The following APOH variants were observed in gnomAD, a reference collection of about 807,000 sequenced individuals.
The protein encoded by APOH is beta-2-glycoprotein 1.
Under a neutral mutation model 39.8 loss-of-function variants are expected in APOH, and 48 were observed. The observed-to-expected ratio is 1.21, with a 90% CI of 0.96 to 1.54. APOH has a LOEUF of 1.54. APOH is among the 40% of genes most tolerant of loss of function. The pLI, the probability that APOH is intolerant of heterozygous loss-of-function variation, is 0.00. For synonymous variants in APOH, 153 were observed against 151.1 expected, an observed-to-expected ratio of 1.01 and a Z score of -0.09; for missense variants, 415 against 421.2, an observed-to-expected ratio of 0.99 and a Z score of 0.13.
rs1369088084 is a variant in APOH at position 66,214,549 on chromosome 17, C to T, written c.886G>A (p.Val296Ile). The change falls in exon 7 of 8, where the codon GTT becomes ATT. Residue 296 changes from valine (V) to isoleucine (I), a missense_variant. Physicochemically the swap from Val to Ile is conservative, Grantham distance 29. This residue lies in a region of APOH where 120 missense variants were observed against 110.6 expected (regional missense o/e 1.08). Transcript: ENST00000205948. ...TCCTTATTTTTGCAGAAGAAAGAAA[C>T]TTTATCACCATGTAGCATTCCATTC... ...FKNGMLHGDK[V>I]SFFCKNKEKK... 1 of 1,613,962 alleles carries T rather than the reference C, an allele frequency of 6.2e-7. No individual in the cohort carries two copies. The highest frequency in any genetic ancestry group is 8.5e-7 in the Non-Finnish European group (1 of 1,179,898).
chr17:66,212,749 A>G (rs1230597595), intron 7 of APOH, among the ~76,000 whole-genome samples: 1 of 152,218 alleles, frequency 6.6e-6, no homozygotes, highest in Non-Finnish European at 1.5e-5. Flanking sequence ...AACAGTCAAG[A>G]TTAAAGGGGA....
At chr17:66,221,440 T>A (rs567628578) in intron 4 of APOH, among the ~76,000 whole-genome samples, 1 of 97,676 alleles carries the variant, frequency 1.0e-5, no homozygotes, top group South Asian at 4.1e-4. Context: ...AGCCCTCAAG[T>A]CAGATGTCCA....
At chr17:66,227,538 T>C (rs2073447261) in intron 2 of APOH, among the ~76,000 whole-genome samples, 1 of 152,210 alleles carries the variant, frequency 6.6e-6, no homozygotes, top group Admixed American at 6.5e-5. Context: ...ATATTATTAT[T>C]TTAATTTGAC....
chr17:66,224,055 T>C (rs144512136), intron 3 of APOH, among the ~76,000 whole-genome samples: 588 of 152,268 alleles, frequency 3.9e-3, no homozygotes, highest in Middle Eastern at 0.02. Context: ...GTTTCTAATA[T>C]AAAGCAAAGA....
intron 4 of APOH, among the ~76,000 whole-genome samples, chr17:66,223,239 A>G (rs898756447): frequency 6.6e-6 from 1 of 152,244 alleles, no homozygotes. Flanking sequence ...AGGATCCAGC[A>G]TACAGTAGAT....
Position 66,220,590 on chromosome 17 carries a change from T to C in APOH, c.568A>G (p.Thr190Ala), listed in dbSNP as rs1300571348. The change falls in exon 5 of 8, where the codon ACA becomes GCA. Residue 190 changes from threonine to alanine, a missense_variant. Transcript: ENST00000205948. ...GGTAATTTAGTCCAATTTCCATGTG[T>C]CGTGCAGGTAATTGTATCATTTCCA... ...MFGNDTITCT[T>A]HGNWTKLPEC... is the part of the protein sequence containing the mutation. The C allele has an allele frequency of 8.1e-6, 13 of 1,614,186 alleles. No homozygotes were observed. In the East Asian group the frequency reaches 2.0e-4, roughly 25 times the overall value.
At chr17:66,212,258 C>A (rs1399308071) in intron 7 of APOH, 70 bp from the exon 8 acceptor site, 61 of 1,330,512 alleles carry the variant, frequency 4.6e-5, no homozygotes, top group Non-Finnish European at 2.2e-6. Context: ...AATAGCTAAG[C>A]CAAACCAAAT....
At chr17:66,223,637 T>C in intron 4 of APOH, 61 bp downstream of exon 4, 1 of 1,439,180 alleles carries the variant, frequency 6.9e-7, no homozygotes. Context: ...TGTGAGACTT[T>C]GAGTGCTAAA....
chr17:66,226,621 CAAA>C (rs60139772), intron 2 of APOH, among the ~76,000 whole-genome samples: 3 of 133,810 alleles, frequency 2.2e-5, no homozygotes, highest in Middle Eastern at 4.1e-3. Context: ...ACTCCGTCTC[CAAA>C]AAAAAAAAAA....
At chr17:66,216,357 GC>G (rs1205039273) in intron 6 of APOH, among the ~76,000 whole-genome samples, 1 of 151,834 alleles carries the variant, frequency 6.6e-6, no homozygotes, top group African/African-American at 2.4e-5. Flanking sequence ...GTGGTGGGGT[GC>G]CTGTAATCCC....
At chr17:66,227,021 T>G (rs1047974653) in intron 2 of APOH, among the ~76,000 whole-genome samples, 24 of 152,230 alleles carry the variant, frequency 1.6e-4, no homozygotes, top group Non-Finnish European at 3.5e-4. Context: ...TAGCTGGGAC[T>G]ACAGGCGCAT....
chr17:66,222,298 C>T (rs566632512), intron 4 of APOH, among the ~76,000 whole-genome samples: 1 of 152,188 alleles, frequency 6.6e-6, no homozygotes, highest in Admixed American at 6.5e-5. Context: ...CTGAGAGGAT[C>T]ACTTGGCCCC....
At chr17:66,221,876 C>G (rs574360864) in intron 4 of APOH, among the ~76,000 whole-genome samples, 1 of 152,132 alleles carries the variant, frequency 6.6e-6, no homozygotes, top group African/African-American at 2.4e-5. Context: ...TAGATCCCTG[C>G]TGCTCAAAAT....
chr17:66,225,876 C>CAAA (rs35151038), intron 3 of APOH, 152 bp downstream of exon 3: 705 of 428,684 alleles, frequency 1.6e-3, no homozygotes, highest in South Asian at 2.8e-3. Flanking sequence ...GACTCCGTCT[C>CAAA]AAAAAAAAAA....
chr17:66,223,012 C>G (rs561288212), intron 4 of APOH, among the ~76,000 whole-genome samples: 2 of 152,346 alleles, frequency 1.3e-5, no homozygotes, highest in South Asian at 4.1e-4. Flanking sequence ...ATAAGCAAAG[C>G]CCAGAGATGA....
At chr17:66,226,569 A>C (rs924506389) in intron 2 of APOH, among the ~76,000 whole-genome samples, 6 of 149,076 alleles carry the variant, frequency 4.0e-5, no homozygotes, top group African/African-American at 1.5e-4. Flanking sequence ...CAGGAGGCAG[A>C]GGGTGCCAAG....
intron 4 of APOH, among the ~76,000 whole-genome samples, chr17:66,223,423 T>C (rs8178838): frequency 0.073 from 11,095 of 152,250 alleles, 420 homozygotes; most frequent in African/African-American, 0.096. Flanking sequence ...TATGAGAGCA[T>C]TGGAGTCAAC....
intron 2 of APOH, among the ~76,000 whole-genome samples, chr17:66,226,881 T>TTATA: frequency 1.0e-5 from 1 of 96,840 alleles, no homozygotes; most frequent in East Asian, 6.2e-4. Context: ...GATTTTTATT[T>TTATA]TATTTATTTA....
At chr17:66,225,837 A>T (rs370364552) in intron 3 of APOH, among the ~76,000 whole-genome samples, 191 bp downstream of exon 3, 1 of 151,484 alleles carries the variant, frequency 6.6e-6, no homozygotes, top group Non-Finnish European at 1.5e-5. Context: ...AGACTGCACC[A>T]CTGCGCTCCA....
Sources: gnomAD v4.1 joint callset for allele counts (sites outside exome capture counted in the v4.1 genomes callset) on GRCh38, gnomAD v4.1.1 for gene constraint, gnomAD v4.1.1 regional missense constraint, MANE v1.5 for transcripts, NCBI Gene and HGNC (gene_info 2026-07-23, HGNC 2026-07-21) for gene names.